The following BTRC variants were observed in gnomAD, a reference collection of about 807,000 sequenced individuals.
The protein encoded by BTRC is F-box/WD repeat-containing protein 1A.
Under a neutral mutation model 85.5 loss-of-function variants are expected in BTRC, and 42 were observed. That is an observed-to-expected ratio of 0.49 (90% CI 0.38 to 0.64). The LOEUF is 0.64. Ranked by LOEUF, BTRC falls within the 30% of genes least tolerant of loss-of-function variation. The probability of loss-of-function intolerance (pLI) is 0.00; values close to 1 mark genes in which losing one functional copy is unlikely to be tolerated. For synonymous variants in BTRC, 255 were observed against 263.3 expected, an observed-to-expected ratio of 0.97 and a Z score of 0.30; for missense variants, 594 against 743.5, an observed-to-expected ratio of 0.80 and a Z score of 2.34.
intron 4 of BTRC, among the ~76,000 whole-genome samples, chr10:101,513,872 T>C (rs1262201599): frequency 6.6e-6 from 1 of 152,270 alleles, no homozygotes; most frequent in Non-Finnish European, 1.5e-5. Context: ...AAAGTAGTTG[T>C]ACCATTAAAC....
intron 3 of BTRC, among the ~76,000 whole-genome samples, chr10:101,473,733 G>C (rs1215423341): frequency 6.6e-6 from 1 of 151,746 alleles, no homozygotes; most frequent in Non-Finnish European, 1.5e-5. Context: ...GGCCTCCAAA[G>C]TGCTAGGTGT....
rs142382301 is a variant in BTRC at position 101,517,909 on chromosome 10, CTTT to C, written c.325-3711_325-3709del. On this transcript the variant is annotated intron_variant, in intron 4 of 14. Transcript: ENST00000370187. ...CTTCCATGGACTGTTGAAGTAGTGT[CTTT>C]TTTTTTTTTTTTTTTTTTGAGACGG... Among the ~76,000 whole-genome samples, 1,065 of 116,062 alleles carry C rather than the reference CTTT, an allele frequency of 9.2e-3. 10 individuals carry two copies. The highest frequency in any genetic ancestry group is 0.029 in the African/African-American group (966 of 33,000). The allele number at this position is 116,062 out of a possible 152,430, so 76.1% of individuals were successfully genotyped here.
chr10:101,478,202 C>G (rs1945740610), intron 3 of BTRC, among the ~76,000 whole-genome samples: 1 of 151,174 alleles, frequency 6.6e-6, no homozygotes, highest in South Asian at 2.1e-4. Context: ...TCGGGAGACT[C>G]AGGTGGGAGA....
intron 3 of BTRC, among the ~76,000 whole-genome samples, chr10:101,478,802 GA>G (rs1012078533): frequency 4.1e-5 from 6 of 147,914 alleles, no homozygotes; most frequent in Non-Finnish European, 7.5e-5. Context: ...AAAAAGAAAA[GA>G]AAAAAAGAGA....
chr10:101,451,570 T>G (rs1944955708), intron 2 of BTRC, among the ~76,000 whole-genome samples: 1 of 152,152 alleles, frequency 6.6e-6, no homozygotes, highest in Admixed American at 6.5e-5. Context: ...CAGTAGTGTG[T>G]TTTAAGAATG....
At chr10:101,360,114 G>T (rs1200892912) in intron 1 of BTRC, among the ~76,000 whole-genome samples, 1 of 152,016 alleles carries the variant, frequency 6.6e-6, no homozygotes, top group Non-Finnish European at 1.5e-5. Flanking sequence ...GAGTACAGTG[G>T]TGCAACCTTG....
At chr10:101,465,673 A>G (rs1407255492) in intron 3 of BTRC, among the ~76,000 whole-genome samples, 3 of 152,220 alleles carry the variant, frequency 2.0e-5, no homozygotes, top group African/African-American at 7.2e-5. Flanking sequence ...AAAATCCACC[A>G]TAACAGTAAT....
chr10:101,469,097 C>G (rs532155999), intron 3 of BTRC, among the ~76,000 whole-genome samples: 24 of 152,162 alleles, frequency 1.6e-4, no homozygotes, highest in African/African-American at 5.8e-4. Context: ...AGTACTCCAA[C>G]GCAAAACTCT....
At chr10:101,434,974 G>A (rs973211325) in intron 2 of BTRC, among the ~76,000 whole-genome samples, 3 of 151,900 alleles carry the variant, frequency 2.0e-5, no homozygotes, top group African/African-American at 7.3e-5. Context: ...GCAAAAATGG[G>A]CTTATGTACT....
chr10:101,516,173 C>T (rs2062021247), intron 4 of BTRC, among the ~76,000 whole-genome samples: 1 of 152,146 alleles, frequency 6.6e-6, no homozygotes. Context: ...GTGTTATAAG[C>T]TCATTAAGAG....
intron 5 of BTRC, among the ~76,000 whole-genome samples, chr10:101,522,365 AAC>A (rs548429699): frequency 1.3e-5 from 1 of 78,820 alleles, no homozygotes; most frequent in Non-Finnish European, 2.4e-5. Context: ...AAAAAAAAAA[AAC>A]AAAAAAAAAC....
intron 2 of BTRC, among the ~76,000 whole-genome samples, chr10:101,457,521 G>A (rs1945113859): frequency 6.6e-6 from 1 of 152,218 alleles, no homozygotes. Flanking sequence ...GACCTCAGTT[G>A]ACTGTAGTAA....
intron 2 of BTRC, among the ~76,000 whole-genome samples, chr10:101,432,134 C>CTTT (rs141993153): frequency 7.0e-6 from 1 of 143,662 alleles, no homozygotes. Flanking sequence ...CTTTTTTTTC[C>CTTT]TTTTTTTTTT....
At chr10:101,485,327 G>A (rs998862201) in intron 4 of BTRC, among the ~76,000 whole-genome samples, 2 of 152,244 alleles carry the variant, frequency 1.3e-5, no homozygotes, top group Admixed American at 6.5e-5. Flanking sequence ...GAAACTGAAA[G>A]CTGTCAACAA....
chr10:101,475,150 T>C (rs1589519805), intron 3 of BTRC, among the ~76,000 whole-genome samples: 1 of 152,230 alleles, frequency 6.6e-6, no homozygotes, highest in East Asian at 1.9e-4. Context: ...TACACTAATT[T>C]CTAATGCTCT....
At chr10:101,425,764 C>G (rs141653620) in intron 1 of BTRC, among the ~76,000 whole-genome samples, 62 of 151,020 alleles carry the variant, frequency 4.1e-4, no homozygotes, top group Non-Finnish European at 4.0e-4. Flanking sequence ...GAGCTGTGAT[C>G]GTGCCACTGC....
chr10:101,475,646 C>A (rs910967559), intron 3 of BTRC, among the ~76,000 whole-genome samples: 1 of 151,808 alleles, frequency 6.6e-6, no homozygotes, highest in Admixed American at 6.6e-5. Context: ...TATTTTCTTT[C>A]CAAAGAATGA....
Position 101,366,860 on chromosome 10 carries a change from T to TATTAATATATATTTA in BTRC, c.48+12632_48+12633insATTAATATATATTTA, listed in dbSNP as rs1554862141. Among the ~76,000 whole-genome samples the TATTAATATATATTTA allele has an allele frequency of 1.2e-3, 31 of 25,410 alleles. 5 individuals are homozygous for TATTAATATATATTTA. Among genetic ancestry groups the TATTAATATATATTTA allele is most frequent in the African/African-American group, 3.1e-3 (31 of 9,890 alleles). The allele number at this position is 25,410 out of a possible 152,430, so 16.7% of individuals were successfully genotyped here. The stretch of plus-strand genomic sequence containing the variant: ...TATATTTATGTATATTAATATATAT[T>TATTAATATATATTTA]TATATATTAATATATATTTATATAT... On this transcript the variant is annotated intron_variant, in intron 1 of 14. Transcript: ENST00000370187.
chr10:101,488,575 T>A (rs565323102), intron 4 of BTRC, among the ~76,000 whole-genome samples: 1 of 152,190 alleles, frequency 6.6e-6, no homozygotes, highest in Non-Finnish European at 1.5e-5. Context: ...AGCTTCTGTT[T>A]CCTAGACCTT....
Sources: allele counts gnomAD v4.1 joint callset (sites outside exome capture counted in the v4.1 genomes callset), GRCh38; gene constraint gnomAD v4.1.1; transcripts MANE v1.5; gene names NCBI Gene and HGNC (gene_info 2026-07-23, HGNC 2026-07-21).